Variants in IFFO2 observed in about 807,000 individuals in gnomAD.
IFFO2 encodes the protein intermediate filament family orphan 2.
In IFFO2, 19 loss-of-function variants were observed where a neutral mutation model predicts 53.5. The observed-to-expected ratio is 0.36, with a 90% CI of 0.25 to 0.52. IFFO2 has a LOEUF of 0.52. Ranked by LOEUF, IFFO2 falls within the 20% of genes least tolerant of loss-of-function variation. The probability of loss-of-function intolerance (pLI) is 0.94; values close to 1 mark genes in which losing one functional copy is unlikely to be tolerated. For synonymous variants in IFFO2, 303 were observed against 313.6 expected (o/e 0.97, Z 0.36); for missense variants, 570 against 727.4 (o/e 0.78, Z 2.49).
chr1:18,907,609 G>A lies in IFFO2; in HGVS notation c.*952C>T, dbSNP rs28515791. 5,440 of 152,234 alleles carry A rather than the reference G, an allele frequency of 0.036. 211 individuals carry two copies. Among genetic ancestry groups the A allele is most frequent in the East Asian group, 0.1 (517 of 5,166 alleles). 9.4% of individuals were successfully genotyped at this position (152,234 alleles called of 1,614,324 possible). ...TATCAGGGAAATCAAGGATCCCTCC[G>A]CCCCCGCCCTGAACCCAGAGGTCCG... On this transcript the variant is annotated 3_prime_UTR_variant, in exon 9 of 9. Coordinates refer to ENST00000455833, the MANE Select transcript of IFFO2 (RefSeq NM_001136265.2).
chr1:18,916,829 C>G lies in IFFO2; in HGVS notation c.1103+74G>C. On this transcript the variant is annotated intron_variant, in intron 5 of 8. Coordinates refer to ENST00000455833, the MANE Select transcript of IFFO2 (RefSeq NM_001136265.2). This position sits in a 1 kb window ranked among gnomAD's most constrained non-coding sequence, Gnocchi z 4.3. Reference sequence around the variant, plus strand: ...CCAGTGCTGCAGGCTACTCTCAGCCCAAGCCTCCCATTCACCGCCCCTGTG... The same window carrying G: ...CCAGTGCTGCAGGCTACTCTCAGCCGAAGCCTCCCATTCACCGCCCCTGTG... The G allele has an allele frequency of 6.6e-7, 1 of 1,508,628 alleles. No homozygotes were observed. Among genetic ancestry groups the G allele is most frequent in the Non-Finnish European group, 9.0e-7 (1 of 1,114,324 alleles). The allele number at this position is 1,508,628 out of a possible 1,614,324, so 93.5% of individuals were successfully genotyped here. A position where few individuals can be genotyped will look rare whatever the true frequency, so the allele number is the denominator to read the frequency against.
At chr1:18,912,202 A>G in intron 5 of IFFO2, 119 bp from the exon 6 acceptor site, 2 of 1,231,362 alleles carry the variant, frequency 1.6e-6, no homozygotes, top group Non-Finnish European at 1.1e-6. Context: ...TCCTCAGGAA[A>G]GACAGGGGTA....
rs1369579748 is a variant in IFFO2, at chr1:18,947,448, C to T, written c.665+8220G>A. Among the ~76,000 whole-genome samples, 1 of 152,194 alleles carries T rather than the reference C, an allele frequency of 6.6e-6. No homozygotes were observed. The highest frequency in any genetic ancestry group is 1.5e-5 in the Non-Finnish European group (1 of 68,030). On this transcript the variant is annotated intron_variant, in intron 1 of 8. Coordinates refer to ENST00000455833, the MANE Select transcript of IFFO2 (RefSeq NM_001136265.2). This position sits in a 1 kb window ranked among gnomAD's most constrained non-coding sequence, Gnocchi z 5.0. ...TTTCACAGAAATGAAAACTGAGGCTCACAGCAGGAAAGCGGCTTGCAATGG... is the reference window on the plus strand; with the variant it reads ...TTTCACAGAAATGAAAACTGAGGCTTACAGCAGGAAAGCGGCTTGCAATGG...
In IFFO2 at chr1:18,907,433, A is replaced by C. The variant is rs144095101; in HGVS notation, c.*1128T>G. 0.014 allele frequency: 2,079 copies of C among 152,646 alleles called. 19 individuals are homozygous for C. The highest frequency in any genetic ancestry group is 0.037 in the Middle Eastern group (11 of 298). The allele number at this position is 152,646 out of a possible 1,614,324, so 9.5% of individuals were successfully genotyped here. On this transcript the variant is annotated 3_prime_UTR_variant, in exon 9 of 9. Coordinates refer to ENST00000455833, the MANE Select transcript of IFFO2 (RefSeq NM_001136265.2). ...CCCACCCTGCTTCTCTCCTGCCAGCAGCCAAAAGCAGGCAACTGCCGGACA... is the reference window on the plus strand; with the variant it reads ...CCCACCCTGCTTCTCTCCTGCCAGCCGCCAAAAGCAGGCAACTGCCGGACA...
rs759180027 is a variant in IFFO2, at chr1:18,919,974, G to A, written c.727-201C>T. 6.6e-6 allele frequency among the ~76,000 whole-genome samples: 1 copy of A among 152,234 alleles called. No homozygotes were observed. Among genetic ancestry groups the A allele is most frequent in the South Asian group, 2.1e-4 (1 of 4,834 alleles). On this transcript the variant is annotated intron_variant, in intron 2 of 8. Transcript: ENST00000455833. This position sits in a 1 kb window ranked among gnomAD's most constrained non-coding sequence, Gnocchi z 4.9. ...GACTGCTTAAAACACTTTTCAAAGCGTTATCTATTACGTGGGAAAATCCAT... is the reference window on the plus strand; with the variant it reads ...GACTGCTTAAAACACTTTTCAAAGCATTATCTATTACGTGGGAAAATCCAT...
intron 1 of IFFO2, among the ~76,000 whole-genome samples, chr1:18,924,227 C>T (rs1193463160): frequency 6.6e-6 from 1 of 152,204 alleles, no homozygotes; most frequent in African/African-American, 2.4e-5. Flanking sequence ...GCCAGGTGGG[C>T]GATGTGTTTC....
chr1:18,909,124 G>A (rs1481628051), intron 8 of IFFO2, among the ~76,000 whole-genome samples: 2 of 151,994 alleles, frequency 1.3e-5, no homozygotes, highest in African/African-American at 4.8e-5. Context: ...CTGCTCTTCT[G>A]TCTGGATAAT....
rs1295440001 is a variant in IFFO2 at position 18,955,739 on chromosome 1, G to A, written c.594C>T (p.Ile198=). Residue 198 remains isoleucine (I), a synonymous_variant, in exon 1 of 9, where the codon ATC becomes ATT. Transcript: ENST00000455833. ...PDGVGVQIDT[I]TPEIRALYNV... ...TGTAGAGCGCGCGGATCTCCGGCGT[G>A]ATGGTGTCGATCTGCACGCCCACGC... The A allele has an allele frequency of 5.7e-6, 9 of 1,587,324 alleles. No homozygotes were observed. The highest frequency in any genetic ancestry group is 1.4e-5 in the African/African-American group (1 of 73,810).
intron 5 of IFFO2, among the ~76,000 whole-genome samples, chr1:18,913,934 C>T (rs894913288): frequency 3.3e-4 from 50 of 150,216 alleles, no homozygotes; most frequent in Non-Finnish European, 6.8e-4. Flanking sequence ...GGGGTTCACG[C>T]CATTCTCCTG....
intron 1 of IFFO2, among the ~76,000 whole-genome samples, chr1:18,939,834 AAAGGCCAC>A (rs1175609806): frequency 3.3e-5 from 5 of 152,188 alleles, no homozygotes; most frequent in African/African-American, 1.2e-4. Flanking sequence ...TCCCAATGGA[AAAGGCCAC>A]AAGGACACTG....
intron 6 of IFFO2, 64 bp downstream of exon 6, chr1:18,911,899 A>G: frequency 1.3e-6 from 2 of 1,537,552 alleles, no homozygotes; most frequent in Non-Finnish European, 1.8e-6. Context: ...ATGAGGGACC[A>G]TTGAAAGGCG....
Position 18,923,039 on chromosome 1 carries a change from C to T in IFFO2, c.666-1918G>A, listed in dbSNP as rs561475925. Reference sequence around the variant, plus strand: ...AGCTGAATCATCTCTCCTGGCCACACGGCTCAGAGCGGGGAAGGCGACTCA... The same window carrying T: ...AGCTGAATCATCTCTCCTGGCCACATGGCTCAGAGCGGGGAAGGCGACTCA... On this transcript the variant is annotated intron_variant, in intron 1 of 8. Coordinates refer to ENST00000455833, the MANE Select transcript of IFFO2 (RefSeq NM_001136265.2). 3.3e-5 allele frequency among the ~76,000 whole-genome samples: 5 copies of T among 152,318 alleles called. No individual in the cohort carries two copies. The East Asian group carries it at 5.8e-4, about 18-fold the overall frequency.
rs1352251009 is a variant in IFFO2, at chr1:18,916,140, AC to A, written c.1103+762del. On this transcript the variant is annotated intron_variant, in intron 5 of 8. Coordinates refer to ENST00000455833, the MANE Select transcript of IFFO2 (RefSeq NM_001136265.2). This position sits in a 1 kb window ranked among gnomAD's most constrained non-coding sequence, Gnocchi z 4.3. ...ACTGTCTCAAAAAAAAAAATAGCCTACAAATAAGACCACATCTGCCATTGCC... is the reference window on the plus strand; with the variant it reads ...ACTGTCTCAAAAAAAAAAATAGCCTAAAATAAGACCACATCTGCCATTGCC... Among the ~76,000 whole-genome samples the A allele has an allele frequency of 6.6e-6, 1 of 151,804 alleles. No homozygotes were observed. Among genetic ancestry groups the A allele is most frequent in the Non-Finnish European group, 1.5e-5 (1 of 67,968 alleles).
chr1:18,919,662 G>T lies in IFFO2; in HGVS notation c.822+16C>A, dbSNP rs371872518. The T allele has an allele frequency of 1.3e-6, 2 of 1,536,256 alleles. No homozygotes were observed. Among genetic ancestry groups the T allele is most frequent in the South Asian group, 1.2e-5 (1 of 83,754 alleles). ...GGGGGAGGTCATGACACCCAGGGGC[G>T]GCGGGCGGCACTTACGTCACTCATA... On this transcript the variant is annotated intron_variant, in intron 3 of 8. Transcript: ENST00000455833. The surrounding 1 kb of genome is among the most constrained non-coding windows in gnomAD (Gnocchi z 4.9).
At chr1:18,940,179 T>C (rs1465762869) in intron 1 of IFFO2, among the ~76,000 whole-genome samples, 2 of 151,886 alleles carry the variant, frequency 1.3e-5, no homozygotes, top group Non-Finnish European at 2.9e-5. Context: ...TGCCAGCAAC[T>C]CCCGAAAAGC....
intron 1 of IFFO2, among the ~76,000 whole-genome samples, chr1:18,927,379 G>A (rs899709362): frequency 2.6e-5 from 4 of 152,234 alleles, no homozygotes; most frequent in Admixed American, 6.5e-5. Context: ...TGGGCCAAGC[G>A]TGGGCCTGGC....
Position 18,910,389 on chromosome 1 carries a change from G to A in IFFO2, c.1401C>T (p.Asp467=), listed in dbSNP as rs182563370. 9.0e-5 allele frequency: 146 copies of A among 1,613,836 alleles called. 1 individual carries two copies. Among genetic ancestry groups the A allele is most frequent in the Middle Eastern group, 1.7e-4 (1 of 6,058 alleles). Residue 467 remains aspartate, a synonymous_variant, in exon 8 of 9, where the codon GAC becomes GAT. Coordinates refer to ENST00000455833, the MANE Select transcript of IFFO2 (RefSeq NM_001136265.2). Reference sequence around the variant, plus strand: ...GCCGGCGGCAGGTCTCCATCTGCACGTCCAGGCCTCGCTTCATGCTGCACA... The same window carrying A: ...GCCGGCGGCAGGTCTCCATCTGCACATCCAGGCCTCGCTTCATGCTGCACA... ...MEMCSMKRGL[D]VQMETCRRLI...
At chr1:18,913,341 G>A (rs1002026187) in intron 5 of IFFO2, among the ~76,000 whole-genome samples, 7 of 152,382 alleles carry the variant, frequency 4.6e-5, no homozygotes, top group East Asian at 1.9e-4. Context: ...GCCCGGAGCC[G>A]CCAGGGTCCA....
chr1:18,927,807 T>G (rs1404246648), intron 1 of IFFO2, among the ~76,000 whole-genome samples: 2 of 152,244 alleles, frequency 1.3e-5, no homozygotes, highest in Non-Finnish European at 2.9e-5. Context: ...GGCTCCCCGG[T>G]GGGGTCAGGG....
Sources: allele counts gnomAD v4.1 joint callset (sites outside exome capture counted in the v4.1 genomes callset), GRCh38; gene constraint gnomAD v4.1.1; non-coding constraint Gnocchi (gnomAD v3.1); transcripts MANE v1.5; gene names NCBI Gene and HGNC (gene_info 2026-07-23, HGNC 2026-07-21).